Variants in TRPM3 observed in about 807,000 individuals in gnomAD.
The protein encoded by TRPM3 is long transient receptor potential channel 3.
TRPM3 carries 77 observed loss-of-function variants against 181.2 expected under a neutral mutation model. That is an observed-to-expected ratio of 0.42 (90% CI 0.35 to 0.51). The LOEUF (loss-of-function observed/expected upper bound fraction) is 0.51. TRPM3 is among the 20% of genes least tolerant of loss of function. TRPM3 has a pLI of 0.01. For missense variants in TRPM3, 1,759 were observed against 2,196.7 expected, an observed-to-expected ratio of 0.80 and a Z score of 3.98; for synonymous variants, 745 against 796.4, an observed-to-expected ratio of 0.94 and a Z score of 1.09.
intron 1 of TRPM3, among the ~76,000 whole-genome samples, chr9:71,169,966 A>T (rs2076762793): frequency 7.3e-6 from 1 of 137,516 alleles, no homozygotes; most frequent in Admixed American, 8.3e-5. Flanking sequence ...ATGCCACTGC[A>T]CTCCAGCCTG....
intron 1 of TRPM3, among the ~76,000 whole-genome samples, chr9:71,076,267 C>T (rs11142684): frequency 0.16 from 24,804 of 152,066 alleles, 2,515 homozygotes; most frequent in Non-Finnish European, 0.21. Context: ...ACCAGAAAAA[C>T]GCTATGAATC....
intron 1 of TRPM3, among the ~76,000 whole-genome samples, chr9:71,119,235 T>C (rs2073094163): frequency 6.6e-6 from 1 of 152,172 alleles, no homozygotes; most frequent in Non-Finnish European, 1.5e-5. Flanking sequence ...AAAAAAGTTC[T>C]CCAGTAAGGT....
chr9:71,018,041 C>T (rs2097799802), intron 1 of TRPM3, among the ~76,000 whole-genome samples: 2 of 151,804 alleles, frequency 1.3e-5, no homozygotes, highest in Admixed American at 1.3e-4. Flanking sequence ...TGATCCCCCG[C>T]TGTTTAAGAT....
At chr9:70,835,492 A>T (rs933823115) in intron 5 of TRPM3, among the ~76,000 whole-genome samples, 1 of 151,804 alleles carries the variant, frequency 6.6e-6, no homozygotes, top group African/African-American at 2.4e-5. Context: ...TCTGCTTGGC[A>T]TTCCTTCCCT....
chr9:71,431,914 T>C (rs2131611947), intron 1 of TRPM3, among the ~76,000 whole-genome samples: 1 of 152,328 alleles, frequency 6.6e-6, no homozygotes, highest in South Asian at 2.1e-4. Flanking sequence ...GCTCTTTCAC[T>C]TACTTCACAC....
intron 1 of TRPM3, among the ~76,000 whole-genome samples, chr9:71,283,421 C>T (rs780251429): frequency 1.3e-5 from 2 of 152,058 alleles, no homozygotes; most frequent in Non-Finnish European, 2.9e-5. Context: ...CTCAGCCTCC[C>T]GAGTAGCTGG....
intron 1 of TRPM3, among the ~76,000 whole-genome samples, chr9:70,945,217 C>T (rs570542600): frequency 2.6e-5 from 4 of 152,264 alleles, no homozygotes; most frequent in South Asian, 2.1e-4. Context: ...TGCCCCTGCC[C>T]GGCCAGTCAC....
chr9:71,166,073 C>T (rs539413922), intron 1 of TRPM3, among the ~76,000 whole-genome samples: 14 of 152,224 alleles, frequency 9.2e-5, no homozygotes, highest in Non-Finnish European at 1.5e-4. Context: ...TCCTGTGATT[C>T]CTGTGGTCCT....
At chr9:71,171,983 C>A (rs1374063974) in intron 1 of TRPM3, among the ~76,000 whole-genome samples, 1 of 152,122 alleles carries the variant, frequency 6.6e-6, no homozygotes, top group African/African-American at 2.4e-5. Context: ...TCTGCAGCAT[C>A]AACCTCCTGG....
rs941801516 is a variant in TRPM3 at position 71,199,826 on chromosome 9, C to T, written c.183+246827G>A. On this transcript the variant is annotated intron_variant, in intron 1 of 24. Coordinates refer to the TRPM3 transcript ENST00000357533. ...TGTTGATCCTTTCAAAAAACCAGCT[C>T]CTGGATTCATTAATTTTTTGAAGGG... 4.2e-3 allele frequency among the ~76,000 whole-genome samples: 638 copies of T among 151,686 alleles called. 4 individuals carry two copies. The highest frequency in any genetic ancestry group is 0.015 in the African/African-American group (612 of 41,416).
At chr9:70,803,501 T>C (rs2089856889) in intron 6 of TRPM3, among the ~76,000 whole-genome samples, 1 of 139,056 alleles carries the variant, frequency 7.2e-6, no homozygotes, top group East Asian at 2.1e-4. Flanking sequence ...TGGGCTGGAG[T>C]GCAGTGGTGC....
intron 11 of TRPM3, among the ~76,000 whole-genome samples, chr9:70,638,523 GTGA>G (rs2057566564): frequency 6.6e-6 from 1 of 152,050 alleles, no homozygotes; most frequent in African/African-American, 2.4e-5. Flanking sequence ...GGTATCCCTA[GTGA>G]GTAAATTAAC....
At chr9:71,152,171 T>C in intron 1 of TRPM3, among the ~76,000 whole-genome samples, 1 of 152,162 alleles carries the variant, frequency 6.6e-6, no homozygotes. Context: ...ACCTTCAACT[T>C]GCTCTGTAAT....
At chr9:70,537,446 C>A in intron 25 of TRPM3, 41 bp from the exon 26 acceptor site, 1 of 1,409,014 alleles carries the variant, frequency 7.1e-7, no homozygotes, top group Non-Finnish European at 9.2e-7. Context: ...CGGCCTGGTT[C>A]CTCTGCTGGG....
chr9:71,157,955 G>A (rs2076088576), intron 1 of TRPM3, among the ~76,000 whole-genome samples: 1 of 152,040 alleles, frequency 6.6e-6, no homozygotes. Flanking sequence ...GTCTGCATTT[G>A]GCACTACAGA....
chr9:70,944,305 C>T (rs1240802061), intron 1 of TRPM3, among the ~76,000 whole-genome samples: 1 of 152,162 alleles, frequency 6.6e-6, no homozygotes, highest in Non-Finnish European at 1.5e-5. Context: ...AATCCACAAG[C>T]TCCAATGAGA....
chr9:70,547,447 T>A (rs958801140), intron 25 of TRPM3, among the ~76,000 whole-genome samples: 11 of 151,646 alleles, frequency 7.3e-5, no homozygotes, highest in African/African-American at 2.7e-4. Flanking sequence ...TTGGTTAATC[T>A]CTGTTCCCTT....
chr9:71,431,948 T>G (rs1439726071), intron 1 of TRPM3, among the ~76,000 whole-genome samples: 2 of 152,214 alleles, frequency 1.3e-5, no homozygotes, highest in East Asian at 3.8e-4. Flanking sequence ...TTCTACAACA[T>G]GCCAGCCACT....
At chr9:70,750,860 C>T (rs1390814890) in intron 8 of TRPM3, among the ~76,000 whole-genome samples, 2 of 151,842 alleles carry the variant, frequency 1.3e-5, no homozygotes, top group South Asian at 2.1e-4. Context: ...GACATCCAAG[C>T]GCAAGCTGTA....
Sources: gnomAD v4.1 joint callset for allele counts (sites outside exome capture counted in the v4.1 genomes callset) on GRCh38, gnomAD v4.1.1 for gene constraint, MANE v1.5 for transcripts, NCBI Gene and HGNC (gene_info 2026-07-23, HGNC 2026-07-21) for gene names.